SMYD3: variants seen among roughly 807,000 people sequenced by gnomAD.
SMYD3 encodes histone-lysine N-methyltransferase SMYD3.
SMYD3 carries 36 observed loss-of-function variants against 57.7 expected under a neutral mutation model. The observed-to-expected ratio is 0.62, with a 90% confidence interval of 0.48 to 0.82. SMYD3 has a LOEUF of 0.82. Ranked by LOEUF, SMYD3 falls within the 40% of genes least tolerant of loss-of-function variation. SMYD3 has a pLI of 0.00. For synonymous variants in SMYD3, 211 were observed against 195.0 expected, an observed-to-expected ratio of 1.08 and a Z score of -0.68; for missense variants, 515 against 538.8, an observed-to-expected ratio of 0.96 and a Z score of 0.44.
chr1:245,858,159 C>T (rs1001843382), intron 10 of SMYD3, among the ~76,000 whole-genome samples: 1 of 152,170 alleles, frequency 6.6e-6, no homozygotes, highest in Non-Finnish European at 1.5e-5. Flanking sequence ...TCTGAGCCTG[C>T]GTTCCTCTAC....
chr1:246,127,546 G>T (rs2061527018), intron 5 of SMYD3, among the ~76,000 whole-genome samples: 1 of 152,100 alleles, frequency 6.6e-6, no homozygotes, highest in South Asian at 2.1e-4. Context: ...TAAGCAAAAA[G>T]AACTAATTTC....
intron 5 of SMYD3, among the ~76,000 whole-genome samples, chr1:246,060,792 A>G (rs890049659): frequency 5.9e-5 from 9 of 152,178 alleles, no homozygotes; most frequent in Non-Finnish European, 1.2e-4. Flanking sequence ...CAGCCCATCA[A>G]AAGTCTGAGG....
In SMYD3 at chr1:245,966,249, G is replaced by A. The variant is rs192948312; in HGVS notation, c.532-36312C>T. On this transcript the variant is annotated intron_variant, in intron 5 of 11. Transcript: ENST00000490107. The stretch of plus-strand genomic sequence containing the variant: ...TACAGTGGTGCCATCACAGCCAACT[G>A]TAACCTCGAATTCCTAGGCTCAAGC... Among the ~76,000 whole-genome samples, 6 of 152,132 alleles carry A rather than the reference G, an allele frequency of 3.9e-5. No homozygotes were observed. In the East Asian group the frequency reaches 1.2e-3, roughly 29 times the overall value.
At chr1:246,329,901 C>A (rs916815829) in intron 4 of SMYD3, among the ~76,000 whole-genome samples, 1 of 152,106 alleles carries the variant, frequency 6.6e-6, no homozygotes, top group Non-Finnish European at 1.5e-5. Flanking sequence ...ACAACCTTAA[C>A]GAAAAGGATC....
intron 8 of SMYD3, among the ~76,000 whole-genome samples, chr1:245,911,003 G>T (rs1475399578): frequency 6.6e-6 from 1 of 151,844 alleles, no homozygotes. Flanking sequence ...CATTGGACAA[G>T]AGATTAATAA....
intron 5 of SMYD3, among the ~76,000 whole-genome samples, chr1:246,320,836 T>C (rs951074910): frequency 1.3e-5 from 2 of 152,234 alleles, no homozygotes; most frequent in Non-Finnish European, 2.9e-5. Flanking sequence ...ATGGACATTT[T>C]AAGGGATAGA....
chr1:245,803,784 G>C (rs1434775199), intron 10 of SMYD3, among the ~76,000 whole-genome samples: 3 of 152,134 alleles, frequency 2.0e-5, no homozygotes, highest in African/African-American at 7.2e-5. Flanking sequence ...TGATGTGCCT[G>C]ATTTTGAAGC....
At chr1:246,014,762 GC>G (rs535868524) in intron 5 of SMYD3, among the ~76,000 whole-genome samples, 17 of 152,080 alleles carry the variant, frequency 1.1e-4, no homozygotes, top group African/African-American at 3.6e-4. Flanking sequence ...AAAATACAGC[GC>G]TTTGACATCC....
intron 5 of SMYD3, among the ~76,000 whole-genome samples, chr1:246,299,975 A>T (rs1330838657): frequency 6.6e-6 from 1 of 151,998 alleles, no homozygotes; most frequent in Non-Finnish European, 1.5e-5. Flanking sequence ...GAGTTTACCT[A>T]TAAAACAGTC....
intron 5 of SMYD3, among the ~76,000 whole-genome samples, chr1:246,206,265 G>GGGAAGGAA (rs138126466): frequency 2.0e-5 from 3 of 151,516 alleles, no homozygotes; most frequent in Admixed American, 6.6e-5. Context: ...CATCAAAATG[G>GGGAAGGAA]GGAAGGAAGG....
intron 10 of SMYD3, among the ~76,000 whole-genome samples, chr1:245,784,050 A>G (rs377534695): frequency 1.3e-5 from 2 of 152,238 alleles, no homozygotes; most frequent in African/African-American, 4.8e-5. Context: ...ATTAGCATGC[A>G]AAGGCAAAGG....
chr1:246,038,758 A>T (rs1025050832), intron 5 of SMYD3, among the ~76,000 whole-genome samples: 1 of 152,188 alleles, frequency 6.6e-6, no homozygotes, highest in African/African-American at 2.4e-5. Flanking sequence ...CTTCATACTC[A>T]TTCTTCTGTT....
intron 5 of SMYD3, among the ~76,000 whole-genome samples, chr1:245,943,632 T>G (rs1284148918): frequency 6.6e-6 from 1 of 152,186 alleles, no homozygotes; most frequent in Admixed American, 6.5e-5. Context: ...ACTTATTTTA[T>G]GAGGCCAGCG....
At chr1:246,151,267 T>A (rs1208423468) in intron 5 of SMYD3, among the ~76,000 whole-genome samples, 2 of 151,638 alleles carry the variant, frequency 1.3e-5, no homozygotes, top group Non-Finnish European at 2.9e-5. Context: ...AAAAAATTCC[T>A]TGAGGGGAAA....
chr1:246,006,680 G>A (rs1006008955), intron 5 of SMYD3, among the ~76,000 whole-genome samples: 3 of 152,046 alleles, frequency 2.0e-5, no homozygotes, highest in South Asian at 2.1e-4. Context: ...GACCTGTCTC[G>A]CCTAACAAAA....
intron 10 of SMYD3, among the ~76,000 whole-genome samples, chr1:245,794,668 C>G (rs1213865761): frequency 6.6e-6 from 1 of 152,192 alleles, no homozygotes; most frequent in African/African-American, 2.4e-5. Context: ...CTCAAAATAT[C>G]CCTCCTGCCT....
At chr1:245,829,533 T>C (rs1350331280) in intron 10 of SMYD3, among the ~76,000 whole-genome samples, 1 of 152,204 alleles carries the variant, frequency 6.6e-6, no homozygotes, top group African/African-American at 2.4e-5. Flanking sequence ...CTCTCATATA[T>C]TACTGGTGGG....
intron 9 of SMYD3, among the ~76,000 whole-genome samples, chr1:245,861,616 G>A (rs577640010): frequency 4.6e-5 from 7 of 152,252 alleles, no homozygotes; most frequent in Admixed American, 2.0e-4. Context: ...CAGCTTCTCA[G>A]TAGCAATGCA....
At chr1:245,904,558 A>G (rs1421087103) in intron 8 of SMYD3, among the ~76,000 whole-genome samples, 2 of 152,180 alleles carry the variant, frequency 1.3e-5, no homozygotes, top group Admixed American at 6.5e-5. Context: ...AGCCCTAGCC[A>G]GGGGGCAATC....
Sources: allele counts gnomAD v4.1 joint callset (sites outside exome capture counted in the v4.1 genomes callset), GRCh38; gene constraint gnomAD v4.1.1; transcripts MANE v1.5; gene names NCBI Gene and HGNC (gene_info 2026-07-23, HGNC 2026-07-21).